Variants in GAN observed in about 807,000 individuals in gnomAD.
GAN encodes the protein epididymis secretory sperm binding protein.
GAN carries 48 observed loss-of-function variants against 71.3 expected under a neutral mutation model. The ratio of observed to expected loss-of-function variants is 0.67; its 90% CI spans 0.53 to 0.86. The LOEUF is 0.86. GAN is among the 40% of genes least tolerant of loss of function. The probability of loss-of-function intolerance (pLI) is 0.00; values close to 1 mark genes in which losing one functional copy is unlikely to be tolerated. For synonymous variants in GAN, 386 were observed against 276.8 expected (o/e 1.39, Z -3.92); for missense variants, 928 against 770.1 (o/e 1.21, Z -2.43).
intron 5 of GAN, among the ~76,000 whole-genome samples, chr16:81,360,365 C>T (rs1910634829): frequency 6.6e-6 from 1 of 152,104 alleles, no homozygotes; most frequent in Non-Finnish European, 1.5e-5. Flanking sequence ...TATCATTTTT[C>T]AGCACATTGA....
At chr16:81,364,386 C>T (rs916426744) in intron 7 of GAN, among the ~76,000 whole-genome samples, 7 of 152,178 alleles carry the variant, frequency 4.6e-5, no homozygotes, top group Non-Finnish European at 1.0e-4. Context: ...CCACCTCAGC[C>T]TACTGAATAG....
At chr16:81,360,096 T>C (rs1348129105) in intron 5 of GAN, among the ~76,000 whole-genome samples, 1 of 152,116 alleles carries the variant, frequency 6.6e-6, no homozygotes, top group Non-Finnish European at 1.5e-5. Context: ...GATAGGTAGA[T>C]AGATGATTGA....
At chr16:81,320,736 A>G (rs1430549252) in intron 1 of GAN, among the ~76,000 whole-genome samples, 1 of 152,076 alleles carries the variant, frequency 6.6e-6, no homozygotes, top group African/African-American at 2.4e-5. Flanking sequence ...AATTGACATT[A>G]CCTGTTCCTT....
intron 1 of GAN, among the ~76,000 whole-genome samples, chr16:81,343,582 A>C (rs1006295486): frequency 2.0e-5 from 3 of 152,200 alleles, no homozygotes; most frequent in Non-Finnish European, 2.9e-5. Context: ...TCATGGTAAA[A>C]ACTCTCAATA....
chr16:81,337,631 A>C (rs1361901524), intron 1 of GAN, among the ~76,000 whole-genome samples: 1 of 152,212 alleles, frequency 6.6e-6, no homozygotes, highest in Non-Finnish European at 1.5e-5. Flanking sequence ...GCTCAATTTT[A>C]ATTACTTACA....
In GAN at chr16:81,356,904, A is replaced by G. The variant is rs1275132325; in HGVS notation, c.753A>G (p.Ile251Met). Reference sequence around the variant, plus strand: ...AAATTGTCAAAGAGTGTAGCAATATACCGCTCAGCCAGCCGCAGCAAGGGG... The same window carrying G: ...AAATTGTCAAAGAGTGTAGCAATATGCCGCTCAGCCAGCCGCAGCAAGGGG... ...VREIVKECSN[I>M]PLSQPQQGEA... Residue 251 changes from isoleucine (I) to methionine (M), a missense_variant, in exon 4 of 11, where the codon ATA (isoleucine) becomes ATG (methionine). By Grantham distance (10) the Ile-to-Met change is conservative. Transcript: ENST00000648994. 1 of 1,613,884 alleles carries G rather than the reference A, an allele frequency of 6.2e-7. No homozygotes were observed. The highest frequency in any genetic ancestry group is 8.5e-7 in the Non-Finnish European group (1 of 1,179,824).
Position 81,363,855 on chromosome 16 carries a change from A to G in GAN, c.1148A>G (p.Asp383Gly). Residue 383 changes from aspartate (D) to glycine (G), a missense_variant, in exon 7 of 11, where the codon GAT becomes GGT. Transcript: ENST00000648994. ...DGMLYILGGE[D>G]GEKELISMEC... ...ATGCTGTACATTTTGGGAGGAGAGGATGGTGAAAAGGAGCTGATTTCCATG... is the reference window on the plus strand; with the variant it reads ...ATGCTGTACATTTTGGGAGGAGAGGGTGGTGAAAAGGAGCTGATTTCCATG... The G allele has an allele frequency of 1.9e-6, 3 of 1,611,808 alleles. No individual in the cohort carries two copies. The highest frequency in any genetic ancestry group is 2.5e-6 in the Non-Finnish European group (3 of 1,177,868).
intron 9 of GAN, chr16:81,371,986 G>A (rs993671191): frequency 6.6e-6 from 1 of 152,252 alleles, no homozygotes; most frequent in African/African-American, 2.4e-5. Flanking sequence ...CATACTGGAA[G>A]CAGACGCCTC....
At chr16:81,358,969 A>G (rs182894639) in intron 5 of GAN, among the ~76,000 whole-genome samples, 15 of 152,296 alleles carry the variant, frequency 9.8e-5, no homozygotes, top group Admixed American at 8.5e-4. Flanking sequence ...TTTTCTTTTT[A>G]GAGATGGGAT....
intron 1 of GAN, among the ~76,000 whole-genome samples, chr16:81,345,780 C>A (rs965291995): frequency 6.6e-6 from 1 of 152,098 alleles, no homozygotes; most frequent in Non-Finnish European, 1.5e-5. Flanking sequence ...TAACCTTTTC[C>A]CTGATAGCCT....
At chr16:81,334,047 A>G (rs561647205) in intron 1 of GAN, among the ~76,000 whole-genome samples, 1 of 152,336 alleles carries the variant, frequency 6.6e-6, no homozygotes, top group African/African-American at 2.4e-5. Context: ...CTTCTTTGAG[A>G]TAAATTTCTC....
At chr16:81,318,687 C>G (rs1416349104) in intron 1 of GAN, among the ~76,000 whole-genome samples, 2 of 152,152 alleles carry the variant, frequency 1.3e-5, no homozygotes, top group African/African-American at 2.4e-5. Flanking sequence ...TATCTTTGGT[C>G]TAGCCCTTGT....
intron 1 of GAN, among the ~76,000 whole-genome samples, chr16:81,339,184 C>T (rs926298923): frequency 6.6e-6 from 1 of 152,154 alleles, no homozygotes; most frequent in Non-Finnish European, 1.5e-5. Context: ...TCCACATCAC[C>T]CAAGAGCTCA....
chr16:81,363,366 C>G (rs1028592336), intron 6 of GAN, among the ~76,000 whole-genome samples: 1 of 152,188 alleles, frequency 6.6e-6, no homozygotes, highest in African/African-American at 2.4e-5. Flanking sequence ...GCTTTGGCCT[C>G]TCTGGCTGTT....
intron 1 of GAN, among the ~76,000 whole-genome samples, chr16:81,325,322 A>T (rs1417822495): frequency 6.6e-6 from 1 of 152,202 alleles, no homozygotes. Context: ...ATGGTATTTG[A>T]ACAAAGCCTT....
intron 1 of GAN, among the ~76,000 whole-genome samples, chr16:81,340,139 G>A (rs1052447256): frequency 6.6e-6 from 1 of 152,074 alleles, no homozygotes; most frequent in African/African-American, 2.4e-5. Context: ...AGGTCTTGCT[G>A]TGTTGCCCAC....
intron 5 of GAN, among the ~76,000 whole-genome samples, chr16:81,360,047 A>ATGGT (rs1390137502): frequency 1.4e-5 from 2 of 141,878 alleles, no homozygotes; most frequent in Non-Finnish European, 3.1e-5. Flanking sequence ...GGATGGATGG[A>ATGGT]TGGATGGATG....
intron 1 of GAN, among the ~76,000 whole-genome samples, chr16:81,318,102 G>A (rs927354660): frequency 1.3e-5 from 2 of 152,066 alleles, no homozygotes; most frequent in African/African-American, 4.8e-5. Context: ...AATAATATTG[G>A]GCTTTTATAA....
chr16:81,324,252 C>T (rs552991349), intron 1 of GAN, among the ~76,000 whole-genome samples: 33 of 152,280 alleles, frequency 2.2e-4, no homozygotes, highest in South Asian at 6.2e-4. Context: ...CCTTTCTAGA[C>T]GGAGTGCCAG....
Sources: gnomAD v4.1 joint callset for allele counts (sites outside exome capture counted in the v4.1 genomes callset) on GRCh38, gnomAD v4.1.1 for gene constraint, MANE v1.5 for transcripts, NCBI Gene and HGNC (gene_info 2026-07-23, HGNC 2026-07-21) for gene names.